Variants in COX7B2 observed in about 807,000 individuals in gnomAD.
The protein encoded by COX7B2 is cytochrome c oxidase subunit 7B2, mitochondrial.
For missense variants in COX7B2, 109 were observed against 95.9 expected (o/e 1.14, Z -0.57); for synonymous variants, 37 against 32.1 (o/e 1.15, Z -0.51).
At chr4:46,888,214 G>A (rs1193655367) in intron 1 of COX7B2, among the ~76,000 whole-genome samples, 1 of 152,124 alleles carries the variant, frequency 6.6e-6, no homozygotes, top group Non-Finnish European at 1.5e-5. Context: ...GCATCTCACA[G>A]TGGTGCCTTC....
At chr4:46,826,012 A>T (rs1367252545) in intron 2 of COX7B2, among the ~76,000 whole-genome samples, 1 of 152,256 alleles carries the variant, frequency 6.6e-6, no homozygotes, top group African/African-American at 2.4e-5. Context: ...TTGCAACAAA[A>T]GCAAAAACTA....
At chr4:46,779,622 G>A (rs1287507968) in intron 2 of COX7B2, among the ~76,000 whole-genome samples, 1 of 152,088 alleles carries the variant, frequency 6.6e-6, no homozygotes, top group Non-Finnish European at 1.5e-5. Flanking sequence ...TACAATGGCT[G>A]CACCAATCTA....
At chr4:46,871,036 G>A (rs1203579038) in intron 1 of COX7B2, among the ~76,000 whole-genome samples, 1 of 150,484 alleles carries the variant, frequency 6.6e-6, no homozygotes, top group Non-Finnish European at 1.5e-5. Flanking sequence ...AATAGCCAAG[G>A]CAATCCTAAG....
intron 1 of COX7B2, among the ~76,000 whole-genome samples, chr4:46,849,994 CT>C (rs1184481674): frequency 6.6e-6 from 1 of 151,732 alleles, no homozygotes; most frequent in African/African-American, 2.4e-5. Flanking sequence ...GTATTTCCAA[CT>C]AAAAGATGTT....
rs182269834 is a variant in COX7B2, at chr4:46,735,295, C to T, written c.-49-54G>A. 2.1e-4 allele frequency: 275 copies of T among 1,315,692 alleles called. 2 individuals carry two copies. In the African/African-American group the frequency reaches 2.7e-3, roughly 13 times the overall value. 81.5% of individuals were successfully genotyped at this position (1,315,692 alleles called of 1,614,324 possible). On this transcript the variant is annotated intron_variant, in intron 2 of 2. Coordinates refer to ENST00000355591, the MANE Select transcript of COX7B2 (RefSeq NM_130902.3). Reference sequence around the variant, plus strand: ...TGTCCAATCTTTATTCAATTCCTTCCGCTTTGAATGTCTGGCTACATCACC... The same window carrying T: ...TGTCCAATCTTTATTCAATTCCTTCTGCTTTGAATGTCTGGCTACATCACC...
intron 1 of COX7B2, among the ~76,000 whole-genome samples, chr4:46,906,604 C>T (rs749177084): frequency 6.6e-6 from 1 of 152,134 alleles, no homozygotes; most frequent in Non-Finnish European, 1.5e-5. Context: ...ACTTGACTAC[C>T]TTATTTTTTT....
chr4:46,811,808 C>G (rs929380742), intron 2 of COX7B2, among the ~76,000 whole-genome samples: 2 of 152,148 alleles, frequency 1.3e-5, no homozygotes, highest in Non-Finnish European at 2.9e-5. Context: ...CTTTCACATA[C>G]AGGTTGAACA....
chr4:46,736,776 T>C (rs1024616152), intron 2 of COX7B2, among the ~76,000 whole-genome samples: 1 of 152,170 alleles, frequency 6.6e-6, no homozygotes, highest in African/African-American at 2.4e-5. Context: ...CATATCTTTT[T>C]GTGGCTCGAG....
At chr4:46,808,813 T>C (rs1439675831) in intron 2 of COX7B2, among the ~76,000 whole-genome samples, 1 of 151,956 alleles carries the variant, frequency 6.6e-6, no homozygotes, top group Non-Finnish European at 1.5e-5. Flanking sequence ...ATATCTTTTA[T>C]TCTGTTAATG....
chr4:46,758,966 G>A (rs1715964809), intron 2 of COX7B2, among the ~76,000 whole-genome samples: 1 of 152,020 alleles, frequency 6.6e-6, no homozygotes, highest in African/African-American at 2.4e-5. Flanking sequence ...TGCCTAAAGG[G>A]GCACTGGTGA....
At chr4:46,860,624 G>A (rs1461500945) in intron 1 of COX7B2, among the ~76,000 whole-genome samples, 1 of 152,128 alleles carries the variant, frequency 6.6e-6, no homozygotes, top group Non-Finnish European at 1.5e-5. Context: ...CCCATAGTTT[G>A]GGTGCCCTAG....
intron 1 of COX7B2, among the ~76,000 whole-genome samples, chr4:46,855,624 A>C (rs1315906837): frequency 6.6e-6 from 1 of 151,818 alleles, no homozygotes; most frequent in Admixed American, 6.6e-5. Flanking sequence ...ACAGATTGAC[A>C]AAAAAAACTA....
intron 2 of COX7B2, among the ~76,000 whole-genome samples, chr4:46,761,628 C>G (rs1388701237): frequency 6.6e-6 from 1 of 151,932 alleles, no homozygotes; most frequent in African/African-American, 2.4e-5. Context: ...GTCTGAAATC[C>G]GAATGTTTGG....
At chr4:46,842,013 A>G (rs1419093458) in intron 2 of COX7B2, among the ~76,000 whole-genome samples, 1 of 152,022 alleles carries the variant, frequency 6.6e-6, no homozygotes, top group African/African-American at 2.4e-5. Flanking sequence ...TAAATGGTGG[A>G]TTAGAAGGAT....
intron 2 of COX7B2, among the ~76,000 whole-genome samples, chr4:46,832,902 GC>G (rs1315180314): frequency 6.7e-6 from 1 of 148,816 alleles, no homozygotes. Context: ...TGAACTGTGA[GC>G]CTTTTTTTTT....
intron 1 of COX7B2, among the ~76,000 whole-genome samples, chr4:46,862,381 G>A (rs1717388140): frequency 6.6e-6 from 1 of 152,140 alleles, no homozygotes; most frequent in African/African-American, 2.4e-5. Flanking sequence ...CTAGAATTCT[G>A]AGGTAAAAGC....
chr4:46,835,596 G>C (rs1310457364), intron 2 of COX7B2, among the ~76,000 whole-genome samples: 1 of 152,106 alleles, frequency 6.6e-6, no homozygotes, highest in Non-Finnish European at 1.5e-5. Flanking sequence ...GTAAGATATA[G>C]CATGTTACAG....
At chr4:46,820,592 C>G (rs1714201583) in intron 2 of COX7B2, among the ~76,000 whole-genome samples, 1 of 151,980 alleles carries the variant, frequency 6.6e-6, no homozygotes, top group South Asian at 2.1e-4. Flanking sequence ...CTTTGGGAGG[C>G]CAAGGTGGGC....
At chr4:46,782,674 T>C (rs1490230062) in intron 2 of COX7B2, among the ~76,000 whole-genome samples, 1 of 152,186 alleles carries the variant, frequency 6.6e-6, no homozygotes, top group Admixed American at 6.5e-5. Context: ...TTAAGAGCTG[T>C]AACACTCACC....
Sources: gnomAD v4.1 joint callset for allele counts (sites outside exome capture counted in the v4.1 genomes callset) on GRCh38, gnomAD v4.1.1 for gene constraint, MANE v1.5 for transcripts, NCBI Gene and HGNC (gene_info 2026-07-23, HGNC 2026-07-21) for gene names.